The following NCOR2 variants were observed in gnomAD, a reference collection of about 807,000 sequenced individuals.
The protein encoded by NCOR2 is nuclear receptor corepressor 2.
NCOR2 carries 81 observed loss-of-function variants against 262.9 expected under a neutral mutation model. The ratio of observed to expected loss-of-function variants is 0.31; its 90% CI spans 0.26 to 0.37. The LOEUF is 0.37. NCOR2 is among the 10% of genes least tolerant of loss of function. The pLI is 1.00. For synonymous variants in NCOR2, 1,659 were observed against 1,559.3 expected (o/e 1.06, Z -1.51); for missense variants, 3,385 against 3,621.4 (o/e 0.93, Z 1.68).
intron 3 of NCOR2, among the ~76,000 whole-genome samples, chr12:124,475,340 G>T (rs914890977): frequency 4.6e-5 from 7 of 150,648 alleles, no homozygotes; most frequent in African/African-American, 1.7e-4. Flanking sequence ...CACACCCCAT[G>T]AAGTCCTCTG....
chr12:124,483,777 C>T lies in NCOR2; in HGVS notation c.234-4G>A, dbSNP rs774531871. 6.9e-6 allele frequency: 11 copies of T among 1,592,270 alleles called. No homozygotes were observed. The Admixed American group carries it at 1.9e-4, about 28-fold the overall frequency. The stretch of plus-strand genomic sequence containing the variant: ...CCGCAGGTGGAGCTCCTGGGACCTG[C>T]AGGAGGTGAGGCATCCAACGTCACA... On this transcript the variant is annotated splice_polypyrimidine_tract_variant and splice_region_variant and intron_variant, in intron 2 of 46. Coordinates refer to ENST00000405201, the Ensembl canonical transcript of NCOR2. This position sits in a 1 kb window ranked among gnomAD's most constrained non-coding sequence, Gnocchi z 6.3.
At chr12:124,516,279 G>A (rs953083915) in intron 1 of NCOR2, among the ~76,000 whole-genome samples, 9 of 152,264 alleles carry the variant, frequency 5.9e-5, no homozygotes, top group South Asian at 4.1e-4. Flanking sequence ...TGGCCCTCCC[G>A]CGCCAGTCCC....
At chr12:124,507,933 G>A (rs1045067364) in intron 1 of NCOR2, among the ~76,000 whole-genome samples, 13 of 152,238 alleles carry the variant, frequency 8.5e-5, no homozygotes, top group South Asian at 6.2e-4. Flanking sequence ...CTCCATGCAC[G>A]CAGGCCCTCA....
intron 1 of NCOR2, among the ~76,000 whole-genome samples, chr12:124,560,809 T>A (rs565608625): frequency 9.2e-5 from 14 of 152,190 alleles, no homozygotes; most frequent in Non-Finnish European, 1.9e-4. Flanking sequence ...TACAAGTCAA[T>A]GCATTTTCTT....
rs2035802557 is a variant in NCOR2, at chr12:124,335,523, G to A, written c.6225C>T (p.Asp2075=). Residue 2075 remains aspartate, a synonymous_variant, in exon 39 of 47, where the codon GAC becomes GAT. Transcript: ENST00000405201. Reference sequence around the variant, plus strand: ...GCAGCTCCCCCTCCAGGTGGCTCTTGTCGAGCTCTTCCAGGTGCTTGGGGA... The same window carrying A: ...GCAGCTCCCCCTCCAGGTGGCTCTTATCGAGCTCTTCCAGGTGCTTGGGGA... The A allele has an allele frequency of 1.9e-6, 3 of 1,608,840 alleles. No homozygotes were observed. The East Asian group carries it at 6.7e-5, about 36-fold the overall frequency.
chr12:124,515,638 TGA>T (rs2049701392), intron 1 of NCOR2, among the ~76,000 whole-genome samples: 1 of 107,614 alleles, frequency 9.3e-6, no homozygotes, highest in South Asian at 3.6e-4. Flanking sequence ...TGCACGACTG[TGA>T]GTGTGCATAT....
intron 3 of NCOR2, among the ~76,000 whole-genome samples, chr12:124,479,451 G>A (rs1450102682): frequency 1.5e-4 from 10 of 67,894 alleles, no homozygotes; most frequent in East Asian, 4.1e-4. Context: ...GTGCACACAC[G>A]CATACACACA....
In NCOR2 at chr12:124,523,650, A is replaced by AAT. The variant is rs2050311019; in HGVS notation, c.-118+11914_-118+11915insAT. Reference sequence around the variant, plus strand: ...AGCTGATGAACTAAAAAAAAAAAAAACAAAAAACCGAAAAACAATCTGTTT... The same window carrying AAT: ...AGCTGATGAACTAAAAAAAAAAAAAAATCAAAAAACCGAAAAACAATCTGTTT... On this transcript the variant is annotated intron_variant, in intron 1 of 46. Coordinates refer to the NCOR2 transcript ENST00000404621. This position sits in a 1 kb window ranked among gnomAD's most constrained non-coding sequence, Gnocchi z 4.0. Among the ~76,000 whole-genome samples the AAT allele has an allele frequency of 6.6e-6, 1 of 151,370 alleles. No homozygotes were observed. Among genetic ancestry groups the AAT allele is most frequent in the Non-Finnish European group, 1.5e-5 (1 of 67,818 alleles).
chr12:124,420,377 C>A (rs1263240388), intron 12 of NCOR2, among the ~76,000 whole-genome samples: 4 of 152,178 alleles, frequency 2.6e-5, no homozygotes, highest in Admixed American at 2.6e-4. Flanking sequence ...TTAATGACAG[C>A]GCTGACGTCG....
intron 2 of NCOR2, among the ~76,000 whole-genome samples, chr12:124,484,042 C>T (rs542727042): frequency 1.3e-5 from 2 of 152,188 alleles, no homozygotes; most frequent in Admixed American, 1.3e-4. Flanking sequence ...AGAGTGACTG[C>T]CCCTCCCTTG....
At chr12:124,334,004 G>A (rs188252525) in intron 41 of NCOR2, among the ~76,000 whole-genome samples, 11 of 152,046 alleles carry the variant, frequency 7.2e-5, no homozygotes, top group East Asian at 5.8e-4. Context: ...GTGTGTGTGC[G>A]CATGTGTGTG....
exon 4 of NCOR2, chr12:124,473,071 G>A: frequency 6.2e-7 from 1 of 1,614,096 alleles, no homozygotes. Context: ...TCCAGCTCAG[G>A]GTCAGTGTGC....
intron 27 of NCOR2, among the ~76,000 whole-genome samples, chr12:124,353,397 A>C (rs3782249): frequency 0.32 from 49,002 of 152,152 alleles, 8,261 homozygotes; most frequent in East Asian, 0.46. Flanking sequence ...CAGATTTCAG[A>C]GAAGGGCAAA....
At chr12:124,341,386 C>T (rs192423503) in intron 34 of NCOR2, among the ~76,000 whole-genome samples, 2 of 152,178 alleles carry the variant, frequency 1.3e-5, no homozygotes, top group East Asian at 1.9e-4. Flanking sequence ...ACTACAGGTG[C>T]GCATCACCAT....
At chr12:124,462,988 G>A (rs750559537) in intron 5 of NCOR2, among the ~76,000 whole-genome samples, 20 of 152,166 alleles carry the variant, frequency 1.3e-4, no homozygotes, top group Non-Finnish European at 1.9e-4. Flanking sequence ...CCTTGTGAAT[G>A]AGCCATCTAC....
chr12:124,430,977 TACACACAGGCACACAA>T (rs2043879676), intron 8 of NCOR2, among the ~76,000 whole-genome samples, 190 bp from the exon 11 acceptor site: 1 of 150,102 alleles, frequency 6.7e-6, no homozygotes, highest in South Asian at 2.1e-4. Flanking sequence ...TACAGTCAGA[TACACACAGGCACACAA>T]GCACACAGGC....
chr12:124,378,368 G>A lies in NCOR2; in HGVS notation c.2036C>T (p.Ala679Val), dbSNP rs775891931. The A allele has an allele frequency of 2.0e-5, 33 of 1,612,702 alleles. No homozygotes were observed. Among genetic ancestry groups the A allele is most frequent in the Non-Finnish European group, 2.5e-5 (29 of 1,179,696 alleles). The stretch of plus-strand genomic sequence containing the variant: ...CGGCGCTTTCTTCTTCTTCCTCCGC[G>A]CGTTCCTCTCCTTCTCCTGGGGCAC... Residue 679 changes from alanine to valine, a missense_variant, in exon 18 of 47, where the codon GCG becomes GTG. Ala to Val is a moderately conservative substitution (Grantham distance 64). Coordinates refer to ENST00000405201, the Ensembl canonical transcript of NCOR2. The surrounding 1 kb of genome is among the most constrained non-coding windows in gnomAD (Gnocchi z 4.2).
At chr12:124,505,118 G>C (rs1157741728) in intron 1 of NCOR2, among the ~76,000 whole-genome samples, 1 of 152,226 alleles carries the variant, frequency 6.6e-6, no homozygotes, top group Non-Finnish European at 1.5e-5. Context: ...ATCTACACCA[G>C]ATAGGCTCGG....
intron 43 of NCOR2, 142 bp downstream of exon 45, chr12:124,332,177 C>T: frequency 2.0e-6 from 2 of 1,019,176 alleles, no homozygotes; most frequent in Non-Finnish European, 2.8e-6. Flanking sequence ...AGGCAAAGGG[C>T]CTGGGGGGAG....
Sources: gnomAD v4.1 joint callset for allele counts (sites outside exome capture counted in the v4.1 genomes callset) on GRCh38, gnomAD v4.1.1 for gene constraint, Gnocchi (gnomAD v3.1) non-coding constraint, MANE v1.5 for transcripts, NCBI Gene and HGNC (gene_info 2026-07-23, HGNC 2026-07-21) for gene names.